Variants in CNTNAP2 observed in about 807,000 individuals in gnomAD.
The protein encoded by CNTNAP2 is contactin associated protein 2.
In CNTNAP2, 98 loss-of-function variants were observed where a neutral mutation model predicts 155.2. The observed-to-expected ratio is 0.63, with a 90% CI of 0.54 to 0.75. CNTNAP2 has a LOEUF of 0.75. CNTNAP2 is among the 30% of genes least tolerant of loss of function. The pLI is 0.00. For missense variants in CNTNAP2, 1,727 were observed against 1,688.1 expected, an observed-to-expected ratio of 1.02 and a Z score of -0.40; for synonymous variants, 651 against 631.2, an observed-to-expected ratio of 1.03 and a Z score of -0.47.
intron 1 of CNTNAP2, among the ~76,000 whole-genome samples, chr7:146,563,033 A>C (rs188036913): frequency 6.6e-6 from 1 of 152,200 alleles, no homozygotes; most frequent in Non-Finnish European, 1.5e-5. Context: ...AGAGAAATCA[A>C]CTTGTCCAAG....
At chr7:148,258,429 C>T (rs1796494942) in intron 20 of CNTNAP2, among the ~76,000 whole-genome samples, 1 of 152,194 alleles carries the variant, frequency 6.6e-6, no homozygotes. Context: ...GGGCAGAAAA[C>T]ATTTAGATGA....
chr7:147,041,276 TTCA>T (rs1799254300), intron 3 of CNTNAP2, among the ~76,000 whole-genome samples: 1 of 152,210 alleles, frequency 6.6e-6, no homozygotes, highest in Non-Finnish European at 1.5e-5. Flanking sequence ...ACACCCTTGG[TTCA>T]TGTTTCCCGA....
intron 1 of CNTNAP2, among the ~76,000 whole-genome samples, chr7:146,185,761 CT>C (rs1554400924): frequency 3.0e-3 from 282 of 94,864 alleles, no homozygotes; most frequent in Middle Eastern, 0.011. Context: ...TTTTATTATT[CT>C]TTTTTTTTTT....
At chr7:146,645,470 C>T (rs572492203) in intron 1 of CNTNAP2, among the ~76,000 whole-genome samples, 6 of 152,180 alleles carry the variant, frequency 3.9e-5, no homozygotes, top group South Asian at 4.2e-4. Flanking sequence ...GTTTCTATCC[C>T]GTCATGTTCT....
At chr7:148,308,029 G>C (rs1051551876) in intron 21 of CNTNAP2, among the ~76,000 whole-genome samples, 3 of 152,124 alleles carry the variant, frequency 2.0e-5, no homozygotes, top group Non-Finnish European at 2.9e-5. Flanking sequence ...ATTAAAGCTG[G>C]AGTCATGGCA....
At chr7:146,584,251 T>C (rs1004851115) in intron 1 of CNTNAP2, among the ~76,000 whole-genome samples, 3 of 152,188 alleles carry the variant, frequency 2.0e-5, no homozygotes, top group African/African-American at 4.8e-5. Flanking sequence ...CATGTTACAC[T>C]GATACTACCA....
At chr7:147,790,644 A>T (rs773310075) in intron 13 of CNTNAP2, among the ~76,000 whole-genome samples, 2 of 152,214 alleles carry the variant, frequency 1.3e-5, no homozygotes, top group Non-Finnish European at 2.9e-5. Flanking sequence ...ATGCTATTCT[A>T]TGTTTGCATG....
chr7:146,448,731 G>A lies in CNTNAP2; in HGVS notation c.98-325540G>A, dbSNP rs142941796. On this transcript the variant is annotated intron_variant, in intron 1 of 23. Coordinates refer to ENST00000361727, the MANE Select transcript of CNTNAP2 (RefSeq NM_014141.6). The stretch of plus-strand genomic sequence containing the variant: ...ATTGGTATGATGTTTGTGTAATGTC[G>A]ATCACACATAATCACTGCAATTGGA... 5.3e-3 allele frequency among the ~76,000 whole-genome samples: 812 copies of A among 152,018 alleles called. 4 individuals are homozygous for A. The highest frequency in any genetic ancestry group is 0.01 in the South Asian group (50 of 4,818).
intron 1 of CNTNAP2, among the ~76,000 whole-genome samples, chr7:146,575,413 C>A (rs1798509555): frequency 6.6e-6 from 1 of 152,060 alleles, no homozygotes; most frequent in Non-Finnish European, 1.5e-5. Context: ...CCATGCCCAG[C>A]CTAGAGGAAT....
chr7:146,131,771 A>G (rs1013603168), intron 1 of CNTNAP2, among the ~76,000 whole-genome samples: 2 of 152,130 alleles, frequency 1.3e-5, no homozygotes, highest in South Asian at 4.1e-4. Context: ...TGTGTCCCCA[A>G]ACAAATCTTA....
intron 18 of CNTNAP2, among the ~76,000 whole-genome samples, chr7:148,182,322 G>T: frequency 6.6e-6 from 1 of 152,068 alleles, no homozygotes. Context: ...TTGTCCTGAG[G>T]GTTTTGCTTT....
chr7:146,654,587 G>A (rs344487), intron 1 of CNTNAP2, among the ~76,000 whole-genome samples: 149,340 of 152,312 alleles, frequency 0.98, 73,236 homozygotes, highest in East Asian at 1. Context: ...AAATACTTGG[G>A]GCTGCATAAT....
At chr7:147,380,547 C>G (rs1012378053) in intron 9 of CNTNAP2, among the ~76,000 whole-genome samples, 4 of 151,824 alleles carry the variant, frequency 2.6e-5, no homozygotes, top group African/African-American at 7.3e-5. Context: ...TATTTTAGGC[C>G]AAGCACACTC....
chr7:146,697,745 G>A (rs2129172656), intron 1 of CNTNAP2, among the ~76,000 whole-genome samples: 1 of 152,104 alleles, frequency 6.6e-6, no homozygotes, highest in South Asian at 2.1e-4. Flanking sequence ...ACCGTGATAA[G>A]CTCTTTTGAT....
intron 1 of CNTNAP2, among the ~76,000 whole-genome samples, chr7:146,744,227 CAAAAAAAAAAAAAA>C (rs60606492): frequency 2.1e-5 from 1 of 48,156 alleles, no homozygotes; most frequent in Non-Finnish European, 4.1e-5. Context: ...CACTCTGTCT[CAAAAAAAAAAAAAA>C]AAAAAAAAAA....
At position 148,113,429 on chromosome 7, in the gene CNTNAP2, G is replaced by A. The variant is rs551934929; in HGVS notation, c.2384-4689G>A. 4.6e-5 allele frequency among the ~76,000 whole-genome samples: 7 copies of A among 152,240 alleles called. No individual in the cohort carries two copies. The South Asian group carries it at 6.2e-4, about 14-fold the overall frequency. ...AACTATTCATGAGAAACCGCCCCCA[G>A]GATCCAATCACCTCCCACCAGGCCC... On this transcript the variant is annotated intron_variant, in intron 15 of 23. Transcript: ENST00000361727.
intron 1 of CNTNAP2, among the ~76,000 whole-genome samples, chr7:146,233,478 A>G (rs1035213223): frequency 6.7e-6 from 1 of 149,850 alleles, no homozygotes; most frequent in Non-Finnish European, 1.5e-5. Context: ...TTTTTTTATT[A>G]TTATACTTTA....
chr7:147,510,487 T>C (rs548001802), intron 11 of CNTNAP2, among the ~76,000 whole-genome samples: 5 of 152,196 alleles, frequency 3.3e-5, no homozygotes, highest in South Asian at 2.1e-4. Flanking sequence ...CAAGGAAATA[T>C]GGTAGAGCTT....
intron 1 of CNTNAP2, among the ~76,000 whole-genome samples, chr7:146,646,212 A>G (rs1171493894): frequency 1.3e-5 from 2 of 152,178 alleles, no homozygotes; most frequent in South Asian, 2.1e-4. Flanking sequence ...TTAGAAAATC[A>G]CATAATGTAG....
Sources: gnomAD v4.1 joint callset for allele counts (sites outside exome capture counted in the v4.1 genomes callset) on GRCh38, gnomAD v4.1.1 for gene constraint, MANE v1.5 for transcripts, NCBI Gene and HGNC (gene_info 2026-07-23, HGNC 2026-07-21) for gene names.